MGAT4C: variants seen among roughly 807,000 people sequenced by gnomAD.
MGAT4C encodes alpha-1,3-mannosyl-glycoprotein 4-beta-N-acetylglucosaminyltransferase C.
Under a neutral mutation model 40.1 loss-of-function variants are expected in MGAT4C, and 19 were observed. The ratio of observed to expected loss-of-function variants is 0.47; its 90% CI spans 0.33 to 0.70. The LOEUF is 0.70. Among genes scored for constraint, MGAT4C ranks in the 30% least tolerant of loss-of-function variants. The pLI is 0.02. For synonymous variants in MGAT4C, 181 were observed against 187.1 expected, an observed-to-expected ratio of 0.97 and a Z score of 0.27; for missense variants, 491 against 563.2, an observed-to-expected ratio of 0.87 and a Z score of 1.30.
chr12:86,729,248 T>G (rs1420549972), intron 1 of MGAT4C, among the ~76,000 whole-genome samples: 2 of 152,116 alleles, frequency 1.3e-5, no homozygotes, highest in Non-Finnish European at 2.9e-5. Flanking sequence ...GATAAATGCT[T>G]GAGGTGATGG....
At chr12:86,700,430 G>A (rs929555499) in intron 2 of MGAT4C, among the ~76,000 whole-genome samples, 13 of 151,934 alleles carry the variant, frequency 8.6e-5, no homozygotes, top group Non-Finnish European at 1.9e-4. Context: ...TAAAGTGTAA[G>A]GTACTTATAC....
Position 86,276,515 on chromosome 12 carries a change from A to AT in MGAT4C, c.-57+57549dup, listed in dbSNP as rs543797762. The stretch of plus-strand genomic sequence containing the variant: ...TGGTATCAAATAGTAGAAGGTATTC[A>AT]TTTTTTCTGTTTATTTTTTTATTTT... On this transcript the variant is annotated intron_variant, in intron 4 of 7. Coordinates refer to the MGAT4C transcript ENST00000548651. Among the ~76,000 whole-genome samples, 31 of 152,184 alleles carry AT rather than the reference A, an allele frequency of 2.0e-4. No individual in the cohort carries two copies. The South Asian group carries it at 6.2e-3, about 31-fold the overall frequency.
intron 1 of MGAT4C, among the ~76,000 whole-genome samples, chr12:86,761,952 T>C (rs1357913389): frequency 2.0e-5 from 3 of 152,114 alleles, no homozygotes; most frequent in Non-Finnish European, 2.9e-5. Context: ...TAGGACATGT[T>C]ATCTTTGTCA....
intron 2 of MGAT4C, among the ~76,000 whole-genome samples, chr12:86,723,657 C>G (rs1950772903): frequency 6.6e-6 from 1 of 152,136 alleles, no homozygotes; most frequent in African/African-American, 2.4e-5. Flanking sequence ...GGCACTATTT[C>G]CAAATAAGGT....
At chr12:86,186,012 A>G (rs958976837) in intron 1 of MGAT4C, among the ~76,000 whole-genome samples, 1 of 152,146 alleles carries the variant, frequency 6.6e-6, no homozygotes, top group African/African-American at 2.4e-5. Flanking sequence ...AGTAAGACAA[A>G]GCCTGATTGG....
chr12:86,071,867 C>T (rs1868551706), intron 1 of MGAT4C, among the ~76,000 whole-genome samples: 1 of 152,008 alleles, frequency 6.6e-6, no homozygotes, highest in Admixed American at 6.6e-5. Context: ...TATTATTCTG[C>T]CTCTTCAAAA....
At chr12:86,067,544 C>T (rs1189364086) in intron 1 of MGAT4C, among the ~76,000 whole-genome samples, 1 of 151,534 alleles carries the variant, frequency 6.6e-6, no homozygotes, top group Non-Finnish European at 1.5e-5. Flanking sequence ...ACATCACACA[C>T]CGGGGCCTGT....
At position 85,979,149 on chromosome 12, in the gene MGAT4C, A is replaced by G. The variant is rs1884240109; in HGVS notation, c.*140T>C. On this transcript the variant is annotated 3_prime_UTR_variant, in exon 5 of 5. Transcript: ENST00000611864. ...GTATTAAGAGTAAAATTATGTCAAC[A>G]ATGTATAAATGAAAACTGCCAATGT... 1.6e-6 allele frequency: 1 copy of G among 633,172 alleles called. No individual in the cohort carries two copies. The highest frequency in any genetic ancestry group is 2.6e-6 in the Non-Finnish European group (1 of 380,948). 39.2% of individuals were successfully genotyped at this position (633,172 alleles called of 1,614,324 possible).
chr12:86,178,670 A>T (rs965980312), intron 1 of MGAT4C, among the ~76,000 whole-genome samples: 2 of 152,138 alleles, frequency 1.3e-5, no homozygotes, highest in Middle Eastern at 3.2e-3. Context: ...TTGCCTTTAG[A>T]TTTGGGTGCA....
intron 1 of MGAT4C, among the ~76,000 whole-genome samples, chr12:86,201,138 T>C (rs1343629061): frequency 6.6e-6 from 1 of 152,262 alleles, no homozygotes; most frequent in African/African-American, 2.4e-5. Context: ...TTTTAGGCTG[T>C]GGCTTATGCT....
chr12:86,766,245 C>T (rs1951505240), intron 1 of MGAT4C, among the ~76,000 whole-genome samples: 1 of 151,846 alleles, frequency 6.6e-6, no homozygotes, highest in Admixed American at 6.6e-5. Flanking sequence ...AGACTTTAAA[C>T]CAACAAAGAT....
rs138138982 is a variant in MGAT4C at position 86,755,530 on chromosome 12, A to G, written c.-261-28289T>C. Among the ~76,000 whole-genome samples, 57 of 152,166 alleles carry G rather than the reference A, an allele frequency of 3.7e-4. 1 individual carries two copies. Among genetic ancestry groups the G allele is most frequent in the African/African-American group, 1.3e-3 (56 of 41,536 alleles). ...GTGCTAATAAGATCTTAATTAACAC[A>G]TAGTGAATTATTTTTTCTTTTCTTT... On this transcript the variant is annotated intron_variant, in intron 1 of 7. Coordinates refer to the MGAT4C transcript ENST00000548651.
chr12:86,554,374 C>A (rs1266896381), intron 2 of MGAT4C, among the ~76,000 whole-genome samples: 1 of 152,132 alleles, frequency 6.6e-6, no homozygotes, highest in African/African-American at 2.4e-5. Flanking sequence ...AACCCTGATT[C>A]ACTTTTAGGT....
chr12:86,681,538 A>G (rs1949981206), intron 2 of MGAT4C, among the ~76,000 whole-genome samples: 1 of 151,960 alleles, frequency 6.6e-6, no homozygotes, highest in Admixed American at 6.6e-5. Flanking sequence ...AAGCAGTTTT[A>G]TAGTTATTGA....
At chr12:86,343,845 AG>A (rs1340544969) in intron 3 of MGAT4C, among the ~76,000 whole-genome samples, 1 of 151,930 alleles carries the variant, frequency 6.6e-6, no homozygotes, top group African/African-American at 2.4e-5. Context: ...GCAGCAGGAA[AG>A]CTTTTTTTTT....
chr12:85,983,054 G>A (rs571052813), intron 4 of MGAT4C, among the ~76,000 whole-genome samples: 1 of 152,236 alleles, frequency 6.6e-6, no homozygotes, highest in Non-Finnish European at 1.5e-5. Flanking sequence ...CCAGAACCAC[G>A]AGAGAATAAA....
intron 3 of MGAT4C, among the ~76,000 whole-genome samples, chr12:86,337,615 G>C (rs985340945): frequency 1.3e-5 from 2 of 150,434 alleles, no homozygotes; most frequent in Non-Finnish European, 2.9e-5. Context: ...AAGTTGGGAA[G>C]TGAATGTTAT....
chr12:85,975,335 G>A lies in MGAT4C; in HGVS notation c.*3954C>T, dbSNP rs1349009459. On this transcript the variant is annotated 3_prime_UTR_variant, in exon 5 of 5. Transcript: ENST00000611864. Reference sequence around the variant, plus strand: ...CAGGGTCATATCCTGTTACATATACGTGACATGGATAAAAAGGAAACAAAT... The same window carrying A: ...CAGGGTCATATCCTGTTACATATACATGACATGGATAAAAAGGAAACAAAT... 2 of 150,974 alleles carry A rather than the reference G, an allele frequency of 1.3e-5. No homozygotes were observed. Among genetic ancestry groups the A allele is most frequent in the Non-Finnish European group, 3.0e-5 (2 of 67,160 alleles). The allele number at this position is 150,974 out of a possible 1,614,324, so 9.4% of individuals were successfully genotyped here.
chr12:86,362,635 G>C (rs937518048), intron 3 of MGAT4C, among the ~76,000 whole-genome samples: 1 of 151,942 alleles, frequency 6.6e-6, no homozygotes, highest in African/African-American at 2.4e-5. Context: ...GCAATTAAAA[G>C]AATGTGAGGG....
Sources: gnomAD v4.1 joint callset for allele counts (sites outside exome capture counted in the v4.1 genomes callset) on GRCh38, gnomAD v4.1.1 for gene constraint, MANE v1.5 for transcripts, NCBI Gene and HGNC (gene_info 2026-07-23, HGNC 2026-07-21) for gene names.